ADGRV1: variants seen among roughly 807,000 people sequenced by gnomAD.
ADGRV1 encodes G-protein coupled receptor 98.
In ADGRV1, 359 loss-of-function variants were observed where a neutral mutation model predicts 596.2. The ratio of observed to expected loss-of-function variants is 0.60; its 90% CI spans 0.55 to 0.66. The LOEUF (loss-of-function observed/expected upper bound fraction) is 0.66. Among genes scored for constraint, ADGRV1 ranks in the 30% least tolerant of loss-of-function variants. The pLI is 0.00. For synonymous variants in ADGRV1, 2,681 were observed against 2,679.2 expected, an observed-to-expected ratio of 1.00 and a Z score of -0.02; for missense variants, 7,274 against 7,575.6, an observed-to-expected ratio of 0.96 and a Z score of 1.48.
At chr5:90,921,222 T>G (rs955426142) in intron 83 of ADGRV1, among the ~76,000 whole-genome samples, 6 of 152,242 alleles carry the variant, frequency 3.9e-5, no homozygotes, top group Non-Finnish European at 8.8e-5. Context: ...TATTTTAACT[T>G]TTCTTTAAAT....
At chr5:90,809,193 T>C (rs1391073291) in intron 73 of ADGRV1, among the ~76,000 whole-genome samples, 1 of 151,482 alleles carries the variant, frequency 6.6e-6, no homozygotes, top group Non-Finnish European at 1.5e-5. Context: ...CCTGACCTCG[T>C]GATCCGCCCA....
chr5:90,947,257 C>T (rs921979773), intron 83 of ADGRV1, among the ~76,000 whole-genome samples: 12 of 152,170 alleles, frequency 7.9e-5, no homozygotes, highest in African/African-American at 2.9e-4. Context: ...GCTTTTTCTT[C>T]ATATGTTTGT....
At chr5:91,007,762 A>G (rs1782397671) in intron 85 of ADGRV1, among the ~76,000 whole-genome samples, 1 of 152,186 alleles carries the variant, frequency 6.6e-6, no homozygotes, top group South Asian at 2.1e-4. Flanking sequence ...CCATCTTAGC[A>G]GTGGGCCTTT....
chr5:90,771,805 G>A (rs776003234), intron 59 of ADGRV1, among the ~76,000 whole-genome samples: 1 of 152,166 alleles, frequency 6.6e-6, no homozygotes, highest in Non-Finnish European at 1.5e-5. Flanking sequence ...GGTTCACATG[G>A]ACTTGGGAAA....
In ADGRV1 at chr5:90,706,376, C is replaced by T; in HGVS notation, c.8712C>T (p.Ile2904=). 1 of 1,597,846 alleles carries T rather than the reference C, an allele frequency of 6.3e-7. No individual in the cohort carries two copies. Among genetic ancestry groups the T allele is most frequent in the South Asian group, 1.2e-5 (1 of 86,098 alleles). ...AAGAAGGGGAAACAGCAGCAGCCATCAACATTACCATTCTTGAGGTAAAAC... is the reference window on the plus strand; with the variant it reads ...AAGAAGGGGAAACAGCAGCAGCCATTAACATTACCATTCTTGAGGTAAAAC... The part of the protein sequence containing the change: ...ILEEGETAAA[I]NITILEDDVP... Residue 2904 remains isoleucine, a synonymous_variant, in exon 38 of 90, where the codon ATC becomes ATT. Coordinates refer to ENST00000405460, the MANE Select transcript of ADGRV1 (RefSeq NM_032119.4).
chr5:90,761,264 A>ACAAACTTTCACTGTAG (rs1268055452), intron 58 of ADGRV1, among the ~76,000 whole-genome samples: 1 of 152,204 alleles, frequency 6.6e-6, no homozygotes, highest in Non-Finnish European at 1.5e-5. Flanking sequence ...GAGGGAGAGA[A>ACAAACTTTCACTGTAG]CAAACTTTCA....
At chr5:90,594,979 C>T (rs1398040827) in intron 1 of ADGRV1, among the ~76,000 whole-genome samples, 1 of 145,702 alleles carries the variant, frequency 6.9e-6, no homozygotes. Context: ...CATCCTGGCC[C>T]GTTCTCAATG....
At chr5:91,068,541 C>T (rs978685987) in intron 85 of ADGRV1, among the ~76,000 whole-genome samples, 2 of 150,444 alleles carry the variant, frequency 1.3e-5, no homozygotes, top group Non-Finnish European at 3.0e-5. Context: ...AATTGAGGCA[C>T]TCACAAAAAA....
At chr5:90,947,022 T>G (rs1776636185) in intron 83 of ADGRV1, among the ~76,000 whole-genome samples, 1 of 152,142 alleles carries the variant, frequency 6.6e-6, no homozygotes, top group Non-Finnish European at 1.5e-5. Context: ...TGGTTCTAGG[T>G]CTTTGAGGAA....
In ADGRV1 at chr5:90,693,915, T is replaced by C; in HGVS notation, c.7159T>C (p.Leu2387=). Reference sequence around the variant, plus strand: ...CGGAGGGCACTTTGGTCGGCTGTTGTTGTTCTACAGTACTTCCGACATTGA... The same window carrying C: ...CGGAGGGCACTTTGGTCGGCTGTTGCTGTTCTACAGTACTTCCGACATTGA... ...RSGGHFGRLL[L]FYSTSDIDVV... is the part of the protein sequence containing the mutation. The change falls in exon 33 of 90, where the codon TTG becomes CTG. Residue 2387 remains leucine, a synonymous_variant. Transcript: ENST00000405460. 1 of 1,569,956 alleles carries C rather than the reference T, an allele frequency of 6.4e-7. No homozygotes were observed. The highest frequency in any genetic ancestry group is 8.7e-7 in the Non-Finnish European group (1 of 1,155,742).
chr5:91,001,028 C>T (rs964039722), intron 85 of ADGRV1, among the ~76,000 whole-genome samples: 14 of 152,100 alleles, frequency 9.2e-5, no homozygotes, highest in Admixed American at 3.9e-4. Context: ...CAAAAAACAC[C>T]CAGAATAATG....
intron 83 of ADGRV1, among the ~76,000 whole-genome samples, chr5:90,956,113 A>G (rs1777454774): frequency 6.6e-6 from 1 of 152,160 alleles, no homozygotes; most frequent in African/African-American, 2.4e-5. Flanking sequence ...ATGCTTATCT[A>G]AGTCCAAGGA....
chr5:90,736,974 G>C (rs1753315444), intron 50 of ADGRV1, among the ~76,000 whole-genome samples: 1 of 148,592 alleles, frequency 6.7e-6, no homozygotes, highest in Non-Finnish European at 1.5e-5. Flanking sequence ...TTTGCTCTTT[G>C]TTATTTGCTT....
chr5:90,577,482 G>C (rs569539428), intron 1 of ADGRV1, among the ~76,000 whole-genome samples: 1 of 152,290 alleles, frequency 6.6e-6, no homozygotes, highest in Non-Finnish European at 1.5e-5. Flanking sequence ...CTATGTATCT[G>C]TTTTGGTACC....
intron 87 of ADGRV1, among the ~76,000 whole-genome samples, chr5:91,104,860 CTTTT>C (rs60957930): frequency 2.4e-5 from 3 of 125,994 alleles, no homozygotes; most frequent in Non-Finnish European, 3.2e-5. Context: ...CTTTTCTTTT[CTTTT>C]TTTTTTTTTT....
intron 43 of ADGRV1, among the ~76,000 whole-genome samples, chr5:90,719,320 CATAAATAAATAAATAAATAAATAA>C (rs3045849): frequency 6.7e-6 from 1 of 149,460 alleles, no homozygotes; most frequent in Non-Finnish European, 1.5e-5. Context: ...GACTCTGTCT[CATAAATAAATAAATAAATAAATAA>C]ATAAATAAAT....
At position 91,148,569 on chromosome 5, in the gene ADGRV1, C is replaced by T. The variant is rs557921363; in HGVS notation, c.18433-1461C>T. On this transcript the variant is annotated intron_variant, in intron 87 of 89. Coordinates refer to ENST00000405460, the MANE Select transcript of ADGRV1 (RefSeq NM_032119.4). ...GGGTATATGGAAATGCCTGGACACC[C>T]GGGCAGAAGTTTTCTGCAGGGGTGG... Among the ~76,000 whole-genome samples, 192 of 152,304 alleles carry T rather than the reference C, an allele frequency of 1.3e-3. 1 individual carries two copies. The highest frequency in any genetic ancestry group is 4.3e-3 in the African/African-American group (179 of 41,562).
intron 85 of ADGRV1, among the ~76,000 whole-genome samples, chr5:91,002,951 T>C (rs1335703033): frequency 1.3e-5 from 2 of 152,176 alleles, no homozygotes. Context: ...TCTGATACTT[T>C]AAAAACCAAT....
At chr5:90,990,667 T>C (rs1780888379) in intron 85 of ADGRV1, among the ~76,000 whole-genome samples, 1 of 152,188 alleles carries the variant, frequency 6.6e-6, no homozygotes, top group South Asian at 2.1e-4. Context: ...AAGGATATAT[T>C]TATCGCTTTT....
Sources: gnomAD v4.1 joint callset for allele counts (sites outside exome capture counted in the v4.1 genomes callset) on GRCh38, gnomAD v4.1.1 for gene constraint, MANE v1.5 for transcripts, NCBI Gene and HGNC (gene_info 2026-07-23, HGNC 2026-07-21) for gene names.